The following PDZD8 variants were observed in gnomAD, a reference collection of about 807,000 sequenced individuals.
PDZD8 encodes PDZ domain containing 8, also known as PDZ domain-containing protein 8.
In PDZD8, 14 loss-of-function variants were observed where a neutral mutation model predicts 85.8. The observed-to-expected ratio is 0.16, with a 90% CI of 0.11 to 0.26. The LOEUF (loss-of-function observed/expected upper bound fraction) is 0.26, where lower values mean the gene tolerates loss of function less well. Ranked by LOEUF, PDZD8 falls within the 10% of genes least tolerant of loss-of-function variation. The pLI, the probability that PDZD8 is intolerant of heterozygous loss-of-function variation, is 1.00. For missense variants in PDZD8, 1,197 were observed against 1,424.3 expected (o/e 0.84, Z 2.57); for synonymous variants, 592 against 568.6 (o/e 1.04, Z -0.59).
At chr10:117,314,092 T>C (rs533273770) in intron 3 of PDZD8, 19 of 152,306 alleles carry the variant, frequency 1.2e-4, no homozygotes, top group African/African-American at 3.6e-4. Flanking sequence ...TCTTTGTATA[T>C]GGGAAGAGTA....
chr10:117,326,191 T>C (rs1227655341), intron 2 of PDZD8, among the ~76,000 whole-genome samples: 2 of 152,230 alleles, frequency 1.3e-5, no homozygotes, highest in East Asian at 1.9e-4. Flanking sequence ...AACGGACTAA[T>C]ACACCTCCAA....
intron 1 of PDZD8, among the ~76,000 whole-genome samples, chr10:117,367,895 G>C (rs1236015367): frequency 3.3e-5 from 5 of 152,004 alleles, no homozygotes; most frequent in Admixed American, 3.3e-4. Flanking sequence ...ACTCCAGCCT[G>C]GGCAACGAGA....
At chr10:117,361,077 T>C (rs1281415739) in intron 1 of PDZD8, among the ~76,000 whole-genome samples, 2 of 152,160 alleles carry the variant, frequency 1.3e-5, no homozygotes, top group African/African-American at 4.8e-5. Context: ...TTCTGTAAAA[T>C]TTCACCATAT....
chr10:117,290,123 A>G lies in PDZD8; in HGVS notation c.1261+63T>C, dbSNP rs557102770. ...ATAAGGAAAAAGGAAGAAAGGAAAA[A>G]CCTCACACCTACTTTGTAGTTTATC... On this transcript the variant is annotated intron_variant, in intron 4 of 4. Transcript: ENST00000334464. 13 of 1,391,970 alleles carry G rather than the reference A, an allele frequency of 9.3e-6. No homozygotes were observed. In the East Asian group the frequency reaches 3.2e-4, roughly 34 times the overall value. 86.2% of individuals were successfully genotyped at this position (1,391,970 alleles called of 1,614,324 possible).
intron 1 of PDZD8, among the ~76,000 whole-genome samples, chr10:117,372,603 T>C (rs1212720404): frequency 6.6e-6 from 1 of 152,180 alleles, no homozygotes; most frequent in Non-Finnish European, 1.5e-5. Flanking sequence ...TAAATAAACA[T>C]CTCTCACTGC....
intron 3 of PDZD8, among the ~76,000 whole-genome samples, chr10:117,304,930 TC>T (rs1564693180): frequency 1.3e-5 from 2 of 152,288 alleles, no homozygotes; most frequent in Non-Finnish European, 1.5e-5. Context: ...GAAAACTGAT[TC>T]TAGGACCCCC....
chr10:117,371,635 A>C (rs1408004093), intron 1 of PDZD8, among the ~76,000 whole-genome samples: 1 of 152,142 alleles, frequency 6.6e-6, no homozygotes, highest in Non-Finnish European at 1.5e-5. Context: ...ATCCCATTCT[A>C]GTTTAAATCT....
intron 4 of PDZD8, among the ~76,000 whole-genome samples, chr10:117,287,414 T>G (rs1297188832): frequency 6.6e-6 from 1 of 152,194 alleles, no homozygotes; most frequent in Non-Finnish European, 1.5e-5. Context: ...TATCAACTTT[T>G]TCTTTGGTTT....
intron 1 of PDZD8, among the ~76,000 whole-genome samples, chr10:117,355,219 GATGCCAT>G (rs1003267342): frequency 6.6e-6 from 1 of 152,126 alleles, no homozygotes; most frequent in African/African-American, 2.4e-5. Context: ...TAAACACTCT[GATGCCAT>G]ACGTAGCCTA....
At chr10:117,332,344 T>C (rs990486084) in intron 2 of PDZD8, among the ~76,000 whole-genome samples, 1 of 152,178 alleles carries the variant, frequency 6.6e-6, no homozygotes, top group Non-Finnish European at 1.5e-5. Context: ...AAATACTTCA[T>C]TATTATACAC....
intron 1 of PDZD8, among the ~76,000 whole-genome samples, chr10:117,352,416 T>C (rs1844820935): frequency 6.6e-6 from 1 of 152,176 alleles, no homozygotes; most frequent in African/African-American, 2.4e-5. Context: ...AGCAAGCCTC[T>C]ATCTCTAGAA....
At chr10:117,329,967 GGGAAGGAA>G (rs1202100897) in intron 2 of PDZD8, among the ~76,000 whole-genome samples, 13,549 of 56,868 alleles carry the variant, frequency 0.24, 2,219 homozygotes, top group Middle Eastern at 0.37. Flanking sequence ...GAGGGAGGAA[GGGAAGGAA>G]GGAAGGAAGG....
At chr10:117,311,974 GA>G (rs1844045358) in intron 3 of PDZD8, among the ~76,000 whole-genome samples, 1 of 152,012 alleles carries the variant, frequency 6.6e-6, no homozygotes, top group Admixed American at 6.6e-5. Flanking sequence ...GTCCAATGCA[GA>G]GGGGGGAAGA....
chr10:117,374,321 C>A lies in PDZD8; in HGVS notation c.872+35G>T. ...AGCGTCCCGCCCAGGCCCGGGTTCC[C>A]GGCAGCCAGGCCCCCTCCCCGACCT... On this transcript the variant is annotated intron_variant, in intron 1 of 4. Transcript: ENST00000334464. The surrounding 1 kb of genome is among the most constrained non-coding windows in gnomAD (Gnocchi z 7.8). 2 of 1,602,350 alleles carry A rather than the reference C, an allele frequency of 1.2e-6. No individual in the cohort carries two copies. The highest frequency in any genetic ancestry group is 2.2e-5 in the South Asian group (2 of 89,496).
chr10:117,311,296 C>T (rs1272565109), intron 3 of PDZD8, among the ~76,000 whole-genome samples: 2 of 152,036 alleles, frequency 1.3e-5, no homozygotes, highest in Admixed American at 1.3e-4. Context: ...TTACCCTAAA[C>T]ATTTTTATTT....
chr10:117,321,308 G>A (rs1844221651), intron 2 of PDZD8, among the ~76,000 whole-genome samples: 2 of 152,088 alleles, frequency 1.3e-5, no homozygotes, highest in African/African-American at 4.8e-5. Flanking sequence ...AATATTATTC[G>A]GCAATAAATG....
At chr10:117,316,120 A>G (rs1844124838) in intron 3 of PDZD8, among the ~76,000 whole-genome samples, 1 of 152,166 alleles carries the variant, frequency 6.6e-6, no homozygotes, top group Non-Finnish European at 1.5e-5. Context: ...TACCTCAGCT[A>G]TCTTGGCTTA....
chr10:117,367,631 G>C (rs1411725338), intron 1 of PDZD8, among the ~76,000 whole-genome samples: 1 of 152,054 alleles, frequency 6.6e-6, no homozygotes, highest in East Asian at 1.9e-4. Flanking sequence ...TTTAGGTGGA[G>C]TACACTTAGG....
chr10:117,316,380 T>TA (rs1404458669), intron 3 of PDZD8, among the ~76,000 whole-genome samples: 3 of 152,056 alleles, frequency 2.0e-5, no homozygotes, highest in African/African-American at 7.2e-5. Flanking sequence ...CCCTTAAAAA[T>TA]AAAAAGTCAT....
Sources: allele counts gnomAD v4.1 joint callset (sites outside exome capture counted in the v4.1 genomes callset), GRCh38; gene constraint gnomAD v4.1.1; non-coding constraint Gnocchi (gnomAD v3.1); transcripts MANE v1.5; gene names NCBI Gene and HGNC (gene_info 2026-07-23, HGNC 2026-07-21).